KDM4C: variants seen among roughly 807,000 people sequenced by gnomAD.
KDM4C encodes lysine-specific demethylase 4C.
In KDM4C, 81 loss-of-function variants were observed where a neutral mutation model predicts 129.3. The ratio of observed to expected loss-of-function variants is 0.63; its 90% CI spans 0.52 to 0.75. KDM4C has a LOEUF of 0.75. Among genes scored for constraint, KDM4C ranks in the 30% least tolerant of loss-of-function variants. The probability of loss-of-function intolerance (pLI) is 0.00; values close to 1 mark genes in which losing one functional copy is unlikely to be tolerated. For missense variants in KDM4C, 1,457 were observed against 1,304.0 expected (o/e 1.12, Z -1.81); for synonymous variants, 573 against 456.1 (o/e 1.26, Z -3.26).
chr9:6,825,070 C>A (rs1211548648), intron 4 of KDM4C, among the ~76,000 whole-genome samples: 4 of 148,742 alleles, frequency 2.7e-5, no homozygotes, highest in Non-Finnish European at 5.9e-5. Context: ...TGCTCAAACC[C>A]AAGAGGCAGA....
At chr9:6,720,954 G>A (rs1172128095) in exon 1 of KDM4C, 1 of 1,551,594 alleles carries the variant, frequency 6.4e-7, no homozygotes, top group Non-Finnish European at 8.7e-7. Flanking sequence ...GTTTGATGAA[G>A]CACTATGGGC....
chr9:6,792,880 G>A, intron 1 of KDM4C, 92 bp from the exon 2 acceptor site: 1 of 1,268,450 alleles, frequency 7.9e-7, no homozygotes, highest in African/African-American at 1.5e-5. Flanking sequence ...AAAGAGAAGG[G>A]TTCCTGCTGG....
chr9:7,124,767 G>A (rs1168517243), intron 18 of KDM4C, among the ~76,000 whole-genome samples: 1 of 152,078 alleles, frequency 6.6e-6, no homozygotes, highest in Admixed American at 6.6e-5. Flanking sequence ...ATTTTCCCAA[G>A]CAACCCAGTA....
At chr9:7,092,515 A>G (rs951590200) in intron 17 of KDM4C, among the ~76,000 whole-genome samples, 1 of 152,228 alleles carries the variant, frequency 6.6e-6, no homozygotes, top group Non-Finnish European at 1.5e-5. Flanking sequence ...GTTTCTCTTC[A>G]TAATTTATCA....
chr9:6,740,856 C>G (rs999862663), intron 1 of KDM4C, among the ~76,000 whole-genome samples: 28 of 151,526 alleles, frequency 1.8e-4, no homozygotes, highest in Non-Finnish European at 1.2e-4. Flanking sequence ...GAGACGGAGT[C>G]TCACTCTGTT....
intron 19 of KDM4C, among the ~76,000 whole-genome samples, chr9:7,133,757 C>G (rs983546660): frequency 1.3e-5 from 2 of 152,150 alleles, no homozygotes; most frequent in Non-Finnish European, 2.9e-5. Context: ...CACAAGCCCT[C>G]GCTTGGCAAG....
chr9:7,136,572 T>C (rs2129750841), intron 19 of KDM4C, among the ~76,000 whole-genome samples: 1 of 152,378 alleles, frequency 6.6e-6, no homozygotes, highest in African/African-American at 2.4e-5. Context: ...TGTTTCCCTA[T>C]TGACTAATGA....
intron 18 of KDM4C, among the ~76,000 whole-genome samples, chr9:7,120,081 G>T (rs931852157): frequency 2.0e-5 from 3 of 151,944 alleles, no homozygotes; most frequent in Admixed American, 6.6e-5. Context: ...CTTCCTCGTG[G>T]CATTGATTGA....
chr9:6,801,118 A>G (rs989329525), intron 2 of KDM4C, among the ~76,000 whole-genome samples: 12 of 151,942 alleles, frequency 7.9e-5, no homozygotes, highest in Non-Finnish European at 1.6e-4. Flanking sequence ...AAGTTTCTTT[A>G]TCTGATGACG....
At chr9:7,068,701 T>C in intron 17 of KDM4C, among the ~76,000 whole-genome samples, 1 of 144,070 alleles carries the variant, frequency 6.9e-6, no homozygotes, top group African/African-American at 2.6e-5. Context: ...TTTTTTTTTT[T>C]TTTTTTTTTT....
chr9:7,128,121 A>G lies in KDM4C; in HGVS notation c.2666A>G (p.His889Arg). 1 of 1,612,430 alleles carries G rather than the reference A, an allele frequency of 6.2e-7. No individual in the cohort carries two copies. Among genetic ancestry groups the G allele is most frequent in the Non-Finnish European group, 8.5e-7 (1 of 1,179,350 alleles). Residue 889 changes from histidine to arginine, a missense_variant, in exon 19 of 22, where the codon CAT becomes CGT. Physicochemically the swap from His to Arg is conservative, Grantham distance 29. Coordinates refer to ENST00000381309, the MANE Select transcript of KDM4C (RefSeq NM_015061.6). Reference sequence around the variant, plus strand: ...GTGGGTCAAACGGTCATCACGAAGCATCGGAACACCCGGTATTACAGTTGC... The same window carrying G: ...GTGGGTCAAACGGTCATCACGAAGCGTCGGAACACCCGGTATTACAGTTGC... ...ISVGQTVITK[H>R]RNTRYYSCRV...
intron 8 of KDM4C, among the ~76,000 whole-genome samples, chr9:6,905,748 T>G (rs189566376): frequency 1.4e-4 from 22 of 152,232 alleles, no homozygotes; most frequent in Middle Eastern, 3.4e-3. Context: ...TATACAGACA[T>G]GTTTGCTGGT....
chr9:6,819,142 G>A (rs374491480), intron 4 of KDM4C: 2 of 152,252 alleles, frequency 1.3e-5, no homozygotes, highest in African/African-American at 4.8e-5. Flanking sequence ...ATGATTAAGA[G>A]TTAGAAGCAG....
intron 15 of KDM4C, among the ~76,000 whole-genome samples, chr9:7,029,689 A>G (rs1036567233): frequency 6.6e-6 from 1 of 152,192 alleles, no homozygotes; most frequent in African/African-American, 2.4e-5. Context: ...TCTCCAGGAA[A>G]TTTGGATGTT....
chr9:6,775,477 G>T (rs1374043625), intron 1 of KDM4C, among the ~76,000 whole-genome samples: 2 of 151,924 alleles, frequency 1.3e-5, no homozygotes, highest in East Asian at 1.9e-4. Context: ...GAACATTATT[G>T]TACATGTCTA....
intron 17 of KDM4C, among the ~76,000 whole-genome samples, chr9:7,052,748 A>C (rs2132591562): frequency 6.6e-6 from 1 of 152,264 alleles, no homozygotes; most frequent in East Asian, 1.9e-4. Context: ...AAGCAGCAGC[A>C]AGGGCTGCAT....
intron 18 of KDM4C, among the ~76,000 whole-genome samples, chr9:7,125,347 T>C (rs1180772876): frequency 6.6e-6 from 1 of 152,200 alleles, no homozygotes; most frequent in African/African-American, 2.4e-5. Context: ...CTAGAATGTG[T>C]TCCATCAGTC....
At chr9:7,100,381 C>G (rs1836934500) in intron 17 of KDM4C, among the ~76,000 whole-genome samples, 1 of 152,032 alleles carries the variant, frequency 6.6e-6, no homozygotes, top group Middle Eastern at 3.2e-3. Flanking sequence ...ACTCTGTTAC[C>G]CAGGCTGGAG....
Position 6,986,400 on chromosome 9 carries a change from G to A in KDM4C, c.1411G>A (p.Ala471Thr), listed in dbSNP as rs777453608. 32 of 1,613,936 alleles carry A rather than the reference G, an allele frequency of 2.0e-5. No individual in the cohort carries two copies. The South Asian group carries it at 3.4e-4, about 17-fold the overall frequency. ...TEDIKTEDDK[A>T]YAYRSVPSIS... Reference sequence around the variant, plus strand: ...AGACATAAAAACTGAGGATGACAAAGCTTATGCATATAGAAGTGTACCTTC... The same window carrying A: ...AGACATAAAAACTGAGGATGACAAAACTTATGCATATAGAAGTGTACCTTC... Residue 471 changes from alanine (A) to threonine (T), a missense_variant, in exon 11 of 22, where the codon GCT becomes ACT. Ala to Thr is a moderately conservative substitution (Grantham distance 58, BLOSUM62 0). Transcript: ENST00000381309.
Sources: allele counts gnomAD v4.1 joint callset (sites outside exome capture counted in the v4.1 genomes callset), GRCh38; gene constraint gnomAD v4.1.1; transcripts MANE v1.5; gene names NCBI Gene and HGNC (gene_info 2026-07-23, HGNC 2026-07-21).